Variants in NTRK2 observed in about 807,000 individuals in gnomAD.
NTRK2 encodes BDNF/NT-3 growth factors receptor.
A neutral mutation model predicts 94.5 loss-of-function variants in NTRK2; 13 were observed. The ratio of observed to expected loss-of-function variants is 0.14; its 90% CI spans 0.09 to 0.22. The LOEUF (loss-of-function observed/expected upper bound fraction) is 0.22, where lower values mean the gene tolerates loss of function less well. Among genes scored for constraint, NTRK2 ranks in the 10% least tolerant of loss-of-function variants. The probability of loss-of-function intolerance (pLI) is 1.00; values close to 1 mark genes in which losing one functional copy is unlikely to be tolerated. For synonymous variants in NTRK2, 372 were observed against 407.4 expected, an observed-to-expected ratio of 0.91 and a Z score of 1.05; for missense variants, 639 against 1,071.2, an observed-to-expected ratio of 0.60 and a Z score of 5.63.
At chr9:85,017,652 C>T (rs918452087) in intron 17 of NTRK2, among the ~76,000 whole-genome samples, 3 of 152,192 alleles carry the variant, frequency 2.0e-5, no homozygotes, top group African/African-American at 7.2e-5. Context: ...TGATGGATCT[C>T]CTTGAATTGA....
At chr9:84,671,856 C>G (rs187989530) in intron 2 of NTRK2, among the ~76,000 whole-genome samples, 217 of 152,368 alleles carry the variant, frequency 1.4e-3, no homozygotes, top group African/African-American at 5.0e-3. Flanking sequence ...CATCACCAAG[C>G]AAGAACTTGC....
At chr9:84,733,392 T>C (rs1225701740) in intron 9 of NTRK2, among the ~76,000 whole-genome samples, 1 of 152,220 alleles carries the variant, frequency 6.6e-6, no homozygotes, top group Non-Finnish European at 1.5e-5. Context: ...AGAGTCTCAC[T>C]TAACATCCTA....
chr9:84,903,724 T>C (rs1281981372), intron 14 of NTRK2, among the ~76,000 whole-genome samples: 1 of 151,978 alleles, frequency 6.6e-6, no homozygotes, highest in East Asian at 1.9e-4. Flanking sequence ...CTTCTTTCCT[T>C]CCTTGCCTCC....
chr9:84,995,762 C>G (rs537965878), intron 17 of NTRK2, among the ~76,000 whole-genome samples: 9 of 152,304 alleles, frequency 5.9e-5, no homozygotes, highest in Non-Finnish European at 1.2e-4. Flanking sequence ...GACATACCAC[C>G]TTTATCTAGA....
At chr9:84,941,839 C>T (rs1248716645) in intron 15 of NTRK2, among the ~76,000 whole-genome samples, 2 of 152,192 alleles carry the variant, frequency 1.3e-5, no homozygotes, top group East Asian at 3.8e-4. Context: ...ATATCATATG[C>T]AAGTATAAAC....
At chr9:84,855,970 G>T (rs370438445) in intron 12 of NTRK2, among the ~76,000 whole-genome samples, 137 of 152,260 alleles carry the variant, frequency 9.0e-4, no homozygotes, top group African/African-American at 3.2e-3. Flanking sequence ...TTAGCCATCT[G>T]GCCACAACTA....
rs200778502 is a variant in NTRK2, at chr9:84,872,931, A to G, written c.1633+5500A>G. On this transcript the variant is annotated intron_variant, in intron 14 of 18. Coordinates refer to ENST00000277120, the MANE Select transcript of NTRK2 (RefSeq NM_006180.6). The stretch of plus-strand genomic sequence containing the variant: ...CCCACTTCGTCCTTGTCTTACCAAT[A>G]AGGGGAAAGGCTGGAGGTGATATTT... 1.8e-4 allele frequency: 190 copies of G among 1,065,022 alleles called. No individual in the cohort carries two copies. The African/African-American group carries it at 3.0e-3, about 17-fold the overall frequency. 66.0% of individuals were successfully genotyped at this position (1,065,022 alleles called of 1,614,324 possible). A position where few individuals can be genotyped will look rare whatever the true frequency, so the allele number is the denominator to read the frequency against.
At chr9:84,930,430 G>T (rs2077982191) in intron 14 of NTRK2, among the ~76,000 whole-genome samples, 1 of 152,100 alleles carries the variant, frequency 6.6e-6, no homozygotes. Context: ...CAGGGTAATG[G>T]CTCCCTAAGA....
chr9:84,686,342 G>A (rs1279029946), intron 2 of NTRK2, among the ~76,000 whole-genome samples: 2 of 152,216 alleles, frequency 1.3e-5, no homozygotes, highest in Non-Finnish European at 2.9e-5. Context: ...GAGAGATGCA[G>A]AGCACACAAG....
At chr9:84,823,581 C>T (rs542960912) in intron 12 of NTRK2, among the ~76,000 whole-genome samples, 14 of 152,352 alleles carry the variant, frequency 9.2e-5, no homozygotes, top group Admixed American at 1.3e-4. Flanking sequence ...CAGTCCTGGG[C>T]GTCAGTAGCT....
rs2064997809 is a variant in NTRK2 at position 84,755,491 on chromosome 9, T to TAG, written c.1396+3406_1396+3407insAG. Among the ~76,000 whole-genome samples, 6 of 151,866 alleles carry TAG rather than the reference T, an allele frequency of 4.0e-5. No homozygotes were observed. In the South Asian group the frequency reaches 1.2e-3, roughly 32 times the overall value. ...GTGACTAAAGAGAGAACCTGAGACT[T>TAG]TTCTAAGTTTCTAAAAGAGACAAAG... On this transcript the variant is annotated intron_variant, in intron 12 of 18. Transcript: ENST00000277120.
At chr9:84,678,215 T>C (rs1199365839) in intron 2 of NTRK2, among the ~76,000 whole-genome samples, 1 of 152,216 alleles carries the variant, frequency 6.6e-6, no homozygotes, top group Admixed American at 6.5e-5. Flanking sequence ...TTAATTTTGT[T>C]TTTATCATTC....
intron 4 of NTRK2, 132 bp from the exon 5 acceptor site, chr9:84,707,712 G>T: frequency 1.4e-6 from 1 of 690,644 alleles, no homozygotes; most frequent in Non-Finnish European, 2.5e-6. Context: ...AAGAGAGAGA[G>T]ATCTGGATGT....
At chr9:84,934,334 CTT>C in intron 15 of NTRK2, 42 bp downstream of exon 15, 1 of 1,609,592 alleles carries the variant, frequency 6.2e-7, no homozygotes, top group South Asian at 1.1e-5. Context: ...CATGATCACA[CTT>C]ACGTGTGGAA....
At chr9:84,980,396 T>C (rs898957722) in intron 17 of NTRK2, among the ~76,000 whole-genome samples, 1 of 152,198 alleles carries the variant, frequency 6.6e-6, no homozygotes, top group African/African-American at 2.4e-5. Flanking sequence ...AGAGGACTTG[T>C]AGGCTTGAAA....
intron 14 of NTRK2, among the ~76,000 whole-genome samples, chr9:84,890,714 A>G (rs952845833): frequency 2.6e-5 from 4 of 152,236 alleles, no homozygotes; most frequent in Admixed American, 1.3e-4. Context: ...GATGAATGCC[A>G]TGATTAAAAA....
intron 17 of NTRK2, among the ~76,000 whole-genome samples, chr9:84,965,232 T>A (rs911729639): frequency 1.3e-5 from 2 of 152,238 alleles, no homozygotes; most frequent in Non-Finnish European, 2.9e-5. Flanking sequence ...TGCCTATGGT[T>A]GGGGTCAAAC....
chr9:84,878,418 G>A (rs879002606), intron 14 of NTRK2, among the ~76,000 whole-genome samples: 5 of 151,548 alleles, frequency 3.3e-5, no homozygotes, highest in Admixed American at 1.3e-4. Flanking sequence ...GGCAGATCAC[G>A]AAGTCAAGAG....
intron 2 of NTRK2, among the ~76,000 whole-genome samples, chr9:84,688,121 G>A (rs1335785357): frequency 6.6e-6 from 1 of 152,208 alleles, no homozygotes; most frequent in Non-Finnish European, 1.5e-5. Flanking sequence ...GGGTCTTTGA[G>A]TAGGGAATTC....
Sources: allele counts gnomAD v4.1 joint callset (sites outside exome capture counted in the v4.1 genomes callset), GRCh38; gene constraint gnomAD v4.1.1; transcripts MANE v1.5; gene names NCBI Gene and HGNC (gene_info 2026-07-23, HGNC 2026-07-21).